The following FANCI variants were observed in gnomAD, a reference collection of about 807,000 sequenced individuals.
FANCI encodes the protein Fanconi anemia group I protein.
Under a neutral mutation model 176.1 loss-of-function variants are expected in FANCI, and 156 were observed. The observed-to-expected ratio is 0.89, with a 90% confidence interval of 0.78 to 1.01. The LOEUF (loss-of-function observed/expected upper bound fraction) is 1.01. Among genes scored for constraint, FANCI ranks in the 50% least tolerant of loss-of-function variants. The probability of loss-of-function intolerance (pLI) is 0.00; values close to 1 mark genes in which losing one functional copy is unlikely to be tolerated. For missense variants in FANCI, 1,678 were observed against 1,534.1 expected, an observed-to-expected ratio of 1.09 and a Z score of -1.57; for synonymous variants, 613 against 541.7, an observed-to-expected ratio of 1.13 and a Z score of -1.83.
intron 18 of FANCI, among the ~76,000 whole-genome samples, chr15:89,286,440 C>T (rs1161160968): frequency 4.6e-5 from 7 of 152,150 alleles, no homozygotes; most frequent in Admixed American, 6.5e-5. Flanking sequence ...ATAACTCACC[C>T]AGAGGATATT....
chr15:89,312,606 G>A (rs1242963850), intron 34 of FANCI, among the ~76,000 whole-genome samples: 1 of 152,102 alleles, frequency 6.6e-6, no homozygotes, highest in Non-Finnish European at 1.5e-5. Context: ...GATCACCTGA[G>A]GCCAGGAGTT....
At position 89,285,226 on chromosome 15, in the gene FANCI, C is replaced by T. The variant is rs1406084847; in HGVS notation, c.1821+8C>T. 1.1e-5 allele frequency: 18 copies of T among 1,613,806 alleles called. No homozygotes were observed. The highest frequency in any genetic ancestry group is 1.6e-4 in the Middle Eastern group (1 of 6,062). On this transcript the variant is annotated splice_region_variant and intron_variant, in intron 18 of 37. Coordinates refer to ENST00000310775, the MANE Select transcript of FANCI (RefSeq NM_001113378.2). ...CGACTCATGCTTTATGAGGTAAGTC[C>T]GTAGAATGGAAAGAATGTAGCAAAA...
rs1386513042 is a variant in FANCI at position 89,285,234 on chromosome 15, G to C, written c.1821+16G>C. On this transcript the variant is annotated intron_variant, in intron 18 of 37. Transcript: ENST00000310775. ...GCTTTATGAGGTAAGTCCGTAGAAT[G>C]GAAAGAATGTAGCAAAACCCCAACT... 2.5e-6 allele frequency: 4 copies of C among 1,613,858 alleles called. No individual in the cohort carries two copies. The highest frequency in any genetic ancestry group is 2.2e-5 in the South Asian group (2 of 91,054).
At chr15:89,255,236 C>G (rs2052441929) in intron 2 of FANCI, among the ~76,000 whole-genome samples, 1 of 152,044 alleles carries the variant, frequency 6.6e-6, no homozygotes, top group South Asian at 2.1e-4. Flanking sequence ...ATGATTGGAC[C>G]AATGTCTTGT....
intron 10 of FANCI, among the ~76,000 whole-genome samples, chr15:89,270,511 A>C (rs74887791): frequency 6.7e-6 from 1 of 148,500 alleles, no homozygotes; most frequent in Non-Finnish European, 1.5e-5. Flanking sequence ...TTTATATCTT[A>C]TTTTTTTTTT....
At chr15:89,258,566 A>G (rs2052591887) in intron 2 of FANCI, 138 bp from the exon 3 acceptor site, 1 of 749,922 alleles carries the variant, frequency 1.3e-6, no homozygotes, top group Non-Finnish European at 2.4e-6. Flanking sequence ...TCCTCTGTCT[A>G]AAAATTATGG....
At chr15:89,268,335 T>C (rs1166182598) in intron 9 of FANCI, 64 bp from the exon 10 acceptor site, 1 of 1,595,298 alleles carries the variant, frequency 6.3e-7, no homozygotes, top group African/African-American at 1.3e-5. Context: ...CCTCCCAAAG[T>C]GCTGGCATTA....
chr15:89,252,905 A>G (rs566921678), intron 2 of FANCI, among the ~76,000 whole-genome samples: 22 of 152,334 alleles, frequency 1.4e-4, no homozygotes, highest in African/African-American at 4.3e-4. Context: ...TAATTTATCA[A>G]TTTAATACCA....
At chr15:89,276,454 A>AT (rs763881757) in intron 12 of FANCI, among the ~76,000 whole-genome samples, 25 of 152,152 alleles carry the variant, frequency 1.6e-4, no homozygotes, top group Non-Finnish European at 1.5e-5. Flanking sequence ...GGAATCTTTA[A>AT]TTTTTTTAAT....
intron 24 of FANCI, 150 bp downstream of exon 24, chr15:89,295,244 G>A: frequency 5.5e-6 from 5 of 903,494 alleles, no homozygotes; most frequent in Non-Finnish European, 6.5e-6. Context: ...GCAGGCACTT[G>A]TAATCCCAGC....
intron 32 of FANCI, 109 bp from the exon 33 acceptor site, chr15:89,307,366 TG>T: frequency 2.9e-6 from 3 of 1,050,482 alleles, no homozygotes; most frequent in Non-Finnish European, 4.3e-6. Context: ...CTGTGAATTT[TG>T]TTTTTCCTCT....
chr15:89,259,506 T>G (rs1176912761), intron 3 of FANCI, among the ~76,000 whole-genome samples: 1 of 152,208 alleles, frequency 6.6e-6, no homozygotes, highest in Non-Finnish European at 1.5e-5. Flanking sequence ...CAATAGCAAC[T>G]GCCTACGTAC....
chr15:89,297,011 C>G (rs1173279429), intron 24 of FANCI, among the ~76,000 whole-genome samples: 1 of 146,364 alleles, frequency 6.8e-6, no homozygotes, highest in Non-Finnish European at 1.5e-5. Context: ...GCTGGCCTGG[C>G]GGGGGCTGAC....
intron 34 of FANCI, 55 bp downstream of exon 34, chr15:89,307,727 G>A (rs2054781079): frequency 5.6e-6 from 9 of 1,613,910 alleles, no homozygotes; most frequent in Middle Eastern, 1.7e-4. Context: ...TTTCTTACAT[G>A]CCCAGGGGAC....
In FANCI at chr15:89,316,769, T is replaced by TC. The variant is rs1314985986; in HGVS notation, c.*311dup. On this transcript the variant is annotated 3_prime_UTR_variant, in exon 38 of 38. Coordinates refer to ENST00000310775, the MANE Select transcript of FANCI (RefSeq NM_001113378.2). ...GGCAGTGCTATGGTCCAGGCTGGCT[T>TC]CGTTTTTCCAAGGAGCCTTTGGTGA... 6.2e-7 allele frequency: 1 copy of TC among 1,613,790 alleles called. No homozygotes were observed. Among genetic ancestry groups the TC allele is most frequent in the South Asian group, 1.1e-5 (1 of 91,074 alleles).
At chr15:89,255,516 A>G (rs1037556795) in intron 2 of FANCI, among the ~76,000 whole-genome samples, 1 of 152,134 alleles carries the variant, frequency 6.6e-6, no homozygotes, top group Non-Finnish European at 1.5e-5. Flanking sequence ...GAATATCACC[A>G]ATGAGGGACA....
chr15:89,278,633 A>C, intron 13 of FANCI, 54 bp from the exon 14 acceptor site: 2 of 1,355,046 alleles, frequency 1.5e-6, no homozygotes, highest in Non-Finnish European at 2.1e-6. Flanking sequence ...GCATTGATAT[A>C]CTTAAAAGCT....
chr15:89,284,638 T>C (rs1381057852), intron 17 of FANCI, among the ~76,000 whole-genome samples: 1 of 152,216 alleles, frequency 6.6e-6, no homozygotes, highest in East Asian at 1.9e-4. Flanking sequence ...CTGATTTTAT[T>C]ATGTAATTTA....
intron 32 of FANCI, among the ~76,000 whole-genome samples, chr15:89,307,095 G>A (rs2054752376): frequency 6.6e-6 from 1 of 152,232 alleles, no homozygotes; most frequent in Non-Finnish European, 1.5e-5. Flanking sequence ...CCGCATCACA[G>A]CAGTGTGGCT....
Sources: allele counts gnomAD v4.1 joint callset (sites outside exome capture counted in the v4.1 genomes callset), GRCh38; gene constraint gnomAD v4.1.1; transcripts MANE v1.5; gene names NCBI Gene and HGNC (gene_info 2026-07-23, HGNC 2026-07-21).